Variants in PPRC1 observed in about 807,000 individuals in gnomAD.
The protein encoded by PPRC1 is PPARG related coactivator 1.
Under a neutral mutation model 132.5 loss-of-function variants are expected in PPRC1, and 23 were observed. That is an observed-to-expected ratio of 0.17 (90% CI 0.12 to 0.25). The LOEUF (loss-of-function observed/expected upper bound fraction) is 0.25, where lower values mean the gene tolerates loss of function less well. PPRC1 is among the 10% of genes least tolerant of loss of function. The pLI, the probability that PPRC1 is intolerant of heterozygous loss-of-function variation, is 1.00. For missense variants in PPRC1, 2,006 were observed against 2,089.1 expected, an observed-to-expected ratio of 0.96 and a Z score of 0.78; for synonymous variants, 872 against 833.5, an observed-to-expected ratio of 1.05 and a Z score of -0.80.
In PPRC1 at chr10:102,144,291, G is replaced by T; in HGVS notation, c.3592G>T (p.Ala1198Ser). The T allele has an allele frequency of 6.2e-7, 1 of 1,614,082 alleles. No homozygotes were observed. Among genetic ancestry groups the T allele is most frequent in the Non-Finnish European group, 8.5e-7 (1 of 1,180,030 alleles). ...CPPPAPADSL[A>S]VGNSGGVDIP... ...TCCTCCGGCTCCTGCTGACAGCTTGGCTGTAGGAAACTCAGGGTAAGTATG... is the reference window on the plus strand; with the variant it reads ...TCCTCCGGCTCCTGCTGACAGCTTGTCTGTAGGAAACTCAGGGTAAGTATG... Residue 1198 changes from alanine to serine, a missense_variant, in exon 7 of 14, where the codon GCT (alanine) becomes TCT (serine). This residue lies in a region of PPRC1 where 1,914 missense variants were observed against 1,917.2 expected (regional missense o/e 1.00). Coordinates refer to ENST00000278070, the MANE Select transcript of PPRC1 (RefSeq NM_015062.5).
At chr10:102,120,063 G>A in the PPRC1 span, 4 of 1,433,520 alleles carry the variant, frequency 2.8e-6, no homozygotes, top group African/African-American at 1.5e-5. Flanking sequence ...GGAAGGGGCC[G>A]AGTGGCCGCA....
the PPRC1 span, among the ~76,000 whole-genome samples, chr10:102,121,168 C>G: frequency 6.6e-6 from 1 of 152,140 alleles, no homozygotes; most frequent in East Asian, 1.9e-4. Flanking sequence ...GAATGACCAC[C>G]AGATTGGATT....
rs759925324 is a variant in PPRC1, at chr10:102,149,171, C to G, written c.4740-7C>G. The G allele has an allele frequency of 6.3e-7, 1 of 1,574,832 alleles. No homozygotes were observed. The highest frequency in any genetic ancestry group is 2.2e-5 in the East Asian group (1 of 44,474). ...CTCCAGCCCCTGCCTCACTCTCCTCCTACTAGGGACAACTACGGCTTCGTC... is the reference window on the plus strand; with the variant it reads ...CTCCAGCCCCTGCCTCACTCTCCTCGTACTAGGGACAACTACGGCTTCGTC... On this transcript the variant is annotated splice_region_variant and splice_polypyrimidine_tract_variant and intron_variant, in intron 12 of 13. Transcript: ENST00000278070.
At chr10:102,146,625 A>G (rs748307216) in intron 8 of PPRC1, 47 bp from the exon 9 acceptor site, 4 of 1,552,482 alleles carry the variant, frequency 2.6e-6, no homozygotes, top group Middle Eastern at 4.7e-4. Flanking sequence ...TTGGAAGCGT[A>G]GAATCGGATC....
At chr10:102,130,753 C>G, upstream of PPRC1, among the ~76,000 whole-genome samples, 1 of 151,680 alleles carries the variant, frequency 6.6e-6, no homozygotes, top group Admixed American at 6.6e-5. Flanking sequence ...AAAAACAAAA[C>G]AAAAGAAACA....
rs1309682001 is a variant in PPRC1 at position 102,144,321 on chromosome 10, C to T, written c.3608+14C>T. 8 of 1,612,144 alleles carry T rather than the reference C, an allele frequency of 5.0e-6. No individual in the cohort carries two copies. In the Admixed American group the frequency reaches 1.3e-4, roughly 27 times the overall value. On this transcript the variant is annotated intron_variant, in intron 7 of 13. Transcript: ENST00000278070. The stretch of plus-strand genomic sequence containing the variant: ...AGGAAACTCAGGGTAAGTATGGAGA[C>T]ATGAGCGAGTTACCCTACAGCTGTT...
At chr10:102,142,630 G>T (rs2069044869) in intron 5 of PPRC1, among the ~76,000 whole-genome samples, 1 of 150,926 alleles carries the variant, frequency 6.6e-6, no homozygotes, top group African/African-American at 2.4e-5. Flanking sequence ...TGGCCAGGTT[G>T]GTCTCAATCT....
At chr10:102,127,573 AT>A in the PPRC1 span, among the ~76,000 whole-genome samples, 1 of 150,938 alleles carries the variant, frequency 6.6e-6, no homozygotes, top group African/African-American at 2.4e-5. Context: ...CGCCCGGCTA[AT>A]TTTTTGTATT....
At chr10:102,131,321 A>G (rs2068538555), upstream of PPRC1, among the ~76,000 whole-genome samples, 4 of 151,922 alleles carry the variant, frequency 2.6e-5, no homozygotes, top group South Asian at 6.2e-4. Flanking sequence ...ATGATCTGCC[A>G]CGGCACTCTT....
At position 102,148,233 on chromosome 10, in the gene PPRC1, GTTC is replaced by G; in HGVS notation, c.4401-134_4401-132del. The G allele has an allele frequency of 1.1e-6, 1 of 944,618 alleles. No homozygotes were observed. The highest frequency in any genetic ancestry group is 1.6e-6 in the Non-Finnish European group (1 of 630,556). The allele number at this position is 944,618 out of a possible 1,614,324, so 58.5% of individuals were successfully genotyped here. A position where few individuals can be genotyped will look rare whatever the true frequency, so the allele number is the denominator to read the frequency against. ...GTTTGTTCATCTCTGAATGAAAATT[GTTC>G]TTCTAGACCTCTTCTACTCTGCTTT... On this transcript the variant is annotated intron_variant, in intron 9 of 13. Coordinates refer to ENST00000278070, the MANE Select transcript of PPRC1 (RefSeq NM_015062.5). The surrounding 1 kb of genome is among the most constrained non-coding windows in gnomAD (Gnocchi z 4.2).
At chr10:102,120,666 G>A in the PPRC1 span, among the ~76,000 whole-genome samples, 1 of 152,198 alleles carries the variant, frequency 6.6e-6, no homozygotes, top group Non-Finnish European at 1.5e-5. Context: ...ATGTGACGCA[G>A]CTTTTAAAAA....
At chr10:102,149,836 G>A (rs1477905885) in intron 13 of PPRC1, 90 bp from the exon 14 acceptor site, 21 of 995,020 alleles carry the variant, frequency 2.1e-5, no homozygotes, top group Admixed American at 1.2e-4. Context: ...CACTCCATCC[G>A]TTTTTGGGAT....
chr10:102,149,625 G>C (rs923523900), intron 13 of PPRC1, among the ~76,000 whole-genome samples: 1 of 151,914 alleles, frequency 6.6e-6, no homozygotes, highest in Non-Finnish European at 1.5e-5. Flanking sequence ...CCAGCTACTC[G>C]GGAAGCTGAG....
chr10:102,120,067 G>T, the PPRC1 span: 1 of 1,438,396 alleles, frequency 7.0e-7, no homozygotes. Flanking sequence ...GGGGCCGAGT[G>T]GCCGCACGCC....
chr10:102,123,343 C>T, the PPRC1 span, among the ~76,000 whole-genome samples: 1 of 151,634 alleles, frequency 6.6e-6, no homozygotes, highest in Non-Finnish European at 1.5e-5. Flanking sequence ...AGAGAGGTCA[C>T]AGACACCTGG....
chr10:102,143,857 C>T (rs991042596), intron 6 of PPRC1, among the ~76,000 whole-genome samples: 15 of 152,166 alleles, frequency 9.9e-5, no homozygotes, highest in African/African-American at 3.6e-4. Flanking sequence ...TCTCAAGGAG[C>T]TTATGGTCTA....
chr10:102,121,252 C>T, the PPRC1 span, among the ~76,000 whole-genome samples: 1 of 152,088 alleles, frequency 6.6e-6, no homozygotes, highest in Non-Finnish European at 1.5e-5. Context: ...CTTCCCTTCC[C>T]CCCTTTCTCC....
chr10:102,146,908 C>T lies in PPRC1; in HGVS notation c.3916C>T (p.Pro1306Ser), dbSNP rs778611512. Residue 1306 changes from proline to serine, a missense_variant, in exon 9 of 14, where the codon CCA (proline) becomes TCA (serine). Transcript: ENST00000278070. ...HDYCVRSRTP[P>S]KKMPALVIPE... ...CTATTGTGTCCGGAGCAGGACCCCC[C>T]CAAAAAAGATGCCTGCCCTAGTCAT... 2.5e-6 allele frequency: 4 copies of T among 1,614,008 alleles called. No individual in the cohort carries two copies. The South Asian group carries it at 4.4e-5, about 18-fold the overall frequency.
intron 13 of PPRC1, 67 bp downstream of exon 13, chr10:102,149,396 TTG>T: frequency 6.8e-7 from 1 of 1,474,774 alleles, no homozygotes; most frequent in Non-Finnish European, 9.0e-7. Flanking sequence ...TCCTAACCCT[TTG>T]TGAGTGGGGC....
Sources: allele counts gnomAD v4.1 joint callset (sites outside exome capture counted in the v4.1 genomes callset), GRCh38; gene constraint gnomAD v4.1.1; regional missense constraint gnomAD v4.1.1; non-coding constraint Gnocchi (gnomAD v3.1); transcripts MANE v1.5; gene names NCBI Gene and HGNC (gene_info 2026-07-23, HGNC 2026-07-21).